The following GALNT17 variants were observed in gnomAD, a reference collection of about 807,000 sequenced individuals.
The protein encoded by GALNT17 is polypeptide N-acetylgalactosaminyltransferase 17.
In GALNT17, 29 loss-of-function variants were observed where a neutral mutation model predicts 63.7. The observed-to-expected ratio is 0.46, with a 90% CI of 0.34 to 0.62. The LOEUF is 0.62. GALNT17 is among the 20% of genes least tolerant of loss of function. The pLI, the probability that GALNT17 is intolerant of heterozygous loss-of-function variation, is 0.01. For synonymous variants in GALNT17, 305 were observed against 318.3 expected (o/e 0.96, Z 0.45); for missense variants, 603 against 799.6 (o/e 0.75, Z 2.97).
chr7:71,162,435 T>TCCA (rs1261849935), intron 1 of GALNT17, among the ~76,000 whole-genome samples: 63 of 120,676 alleles, frequency 5.2e-4, no homozygotes, highest in African/African-American at 2.0e-3. Context: ...CATCCATCCA[T>TCCA]TCATCCATCC....
intron 5 of GALNT17, among the ~76,000 whole-genome samples, chr7:71,525,671 T>TCCATTAAATG (rs1788612259): frequency 6.6e-6 from 1 of 150,914 alleles, no homozygotes. Context: ...GAACTGTGAG[T>TCCATTAAATG]CCATTAAATG....
intron 6 of GALNT17, among the ~76,000 whole-genome samples, chr7:71,633,250 ACAGCC>A (rs1351035448): frequency 2.0e-5 from 3 of 152,142 alleles, no homozygotes; most frequent in Non-Finnish European, 2.9e-5. Flanking sequence ...TGTCCCAGGC[ACAGCC>A]CGGCTGTGGG....
intron 1 of GALNT17, among the ~76,000 whole-genome samples, chr7:71,276,484 G>T (rs1430713415): frequency 1.3e-5 from 2 of 152,326 alleles, no homozygotes; most frequent in Admixed American, 1.3e-4. Context: ...CCAGTGGGAG[G>T]TAATTGAATC....
chr7:71,163,569 A>G (rs1211692810), intron 1 of GALNT17, among the ~76,000 whole-genome samples: 1 of 152,240 alleles, frequency 6.6e-6, no homozygotes, highest in Non-Finnish European at 1.5e-5. Context: ...TTCTTTTGGA[A>G]AGAGCTTGTC....
chr7:71,469,668 T>A (rs1380392319), intron 5 of GALNT17, among the ~76,000 whole-genome samples: 1 of 152,224 alleles, frequency 6.6e-6, no homozygotes, highest in African/African-American at 2.4e-5. Flanking sequence ...GAAGAGTAGG[T>A]GACCATCTGT....
intron 1 of GALNT17, among the ~76,000 whole-genome samples, chr7:71,201,492 T>G (rs1438146002): frequency 6.6e-6 from 1 of 151,974 alleles, no homozygotes; most frequent in East Asian, 1.9e-4. Flanking sequence ...GTTTTCTTAT[T>G]TGATTTGTGA....
chr7:71,480,616 C>T (rs567410940), intron 5 of GALNT17, among the ~76,000 whole-genome samples: 2 of 152,176 alleles, frequency 1.3e-5, no homozygotes, highest in African/African-American at 2.4e-5. Flanking sequence ...AAGCGATTCA[C>T]CTGCCTCAGC....
chr7:71,684,059 TTA>T (rs1238928437), intron 9 of GALNT17, among the ~76,000 whole-genome samples: 1 of 150,808 alleles, frequency 6.6e-6, no homozygotes, highest in African/African-American at 2.4e-5. Flanking sequence ...AGTAGCAGCC[TTA>T]GTGTTGGCTT....
At chr7:71,415,448 G>A (rs746008912) in intron 3 of GALNT17, among the ~76,000 whole-genome samples, 1 of 152,174 alleles carries the variant, frequency 6.6e-6, no homozygotes, top group Non-Finnish European at 1.5e-5. Context: ...CTCCAAGGTA[G>A]CATTTCTACT....
At chr7:71,508,214 C>T (rs563563760) in intron 5 of GALNT17, among the ~76,000 whole-genome samples, 1 of 152,116 alleles carries the variant, frequency 6.6e-6, no homozygotes, top group Non-Finnish European at 1.5e-5. Context: ...GGTCTCCAGG[C>T]GAGGCAAGAA....
At chr7:71,214,558 T>C (rs1789440039) in intron 1 of GALNT17, among the ~76,000 whole-genome samples, 1 of 151,494 alleles carries the variant, frequency 6.6e-6, no homozygotes, top group Admixed American at 6.6e-5. Context: ...GGGCACATTT[T>C]TCTGTTACTT....
chr7:71,240,365 G>A (rs562379613), intron 1 of GALNT17, among the ~76,000 whole-genome samples: 62 of 152,306 alleles, frequency 4.1e-4, no homozygotes, highest in African/African-American at 1.5e-3. Flanking sequence ...GGCTTCAGGT[G>A]AACTCATCAC....
At chr7:71,299,870 A>T (rs1791162009) in intron 1 of GALNT17, among the ~76,000 whole-genome samples, 1 of 151,964 alleles carries the variant, frequency 6.6e-6, no homozygotes, top group South Asian at 2.1e-4. Flanking sequence ...GGTTCAAGTG[A>T]TTCTCCTGCC....
At chr7:71,624,989 G>C (rs551677537) in intron 6 of GALNT17, among the ~76,000 whole-genome samples, 1 of 152,242 alleles carries the variant, frequency 6.6e-6, no homozygotes, top group East Asian at 1.9e-4. Context: ...AAGTGAATAA[G>C]GCAAGTGGCG....
At chr7:71,657,718 C>T (rs1484386407) in intron 6 of GALNT17, among the ~76,000 whole-genome samples, 2 of 152,244 alleles carry the variant, frequency 1.3e-5, no homozygotes, top group Non-Finnish European at 2.9e-5. Flanking sequence ...TGGTGGCTCT[C>T]AAATGTGGCT....
At chr7:71,656,099 T>G (rs7776521) in intron 6 of GALNT17, among the ~76,000 whole-genome samples, 1 of 152,052 alleles carries the variant, frequency 6.6e-6, no homozygotes, top group African/African-American at 2.4e-5. Flanking sequence ...CTCAGAACTC[T>G]TTGGGTACTT....
intron 1 of GALNT17, among the ~76,000 whole-genome samples, chr7:71,248,096 C>T (rs1411475541): frequency 6.6e-6 from 1 of 152,136 alleles, no homozygotes; most frequent in Non-Finnish European, 1.5e-5. Flanking sequence ...ACTCACAGCT[C>T]CGCATGTCTG....
At chr7:71,629,774 ATGCC>A (rs1222614297) in intron 6 of GALNT17, among the ~76,000 whole-genome samples, 1 of 152,140 alleles carries the variant, frequency 6.6e-6, no homozygotes, top group East Asian at 1.9e-4. Context: ...ACAAGCCACC[ATGCC>A]TGAATTATAT....
At chr7:71,328,258 C>T (rs1166356790) in intron 1 of GALNT17, among the ~76,000 whole-genome samples, 2 of 152,104 alleles carry the variant, frequency 1.3e-5, no homozygotes, top group Admixed American at 6.6e-5. Context: ...GTGGCAAAAA[C>T]GACAATTAGT....
Sources: gnomAD v4.1 joint callset for allele counts (sites outside exome capture counted in the v4.1 genomes callset) on GRCh38, gnomAD v4.1.1 for gene constraint, MANE v1.5 for transcripts, NCBI Gene and HGNC (gene_info 2026-07-23, HGNC 2026-07-21) for gene names.